The following BEAN1 variants were observed in gnomAD, a reference collection of about 807,000 sequenced individuals.
The protein encoded by BEAN1 is brain expressed associated with NEDD4 1.
In BEAN1, 17 loss-of-function variants were observed where a neutral mutation model predicts 17.7. The ratio of observed to expected loss-of-function variants is 0.96; its 90% confidence interval spans 0.66 to 1.44. BEAN1 has a LOEUF of 1.44. Ranked by LOEUF, BEAN1 falls within the 40% of genes most tolerant of loss-of-function variation. The probability of loss-of-function intolerance (pLI) is 0.00; values close to 1 mark genes in which losing one functional copy is unlikely to be tolerated. For synonymous variants in BEAN1, 142 were observed against 151.8 expected (o/e 0.94, Z 0.47); for missense variants, 359 against 374.1 (o/e 0.96, Z 0.33).
At position 66,437,646 on chromosome 16, in the gene BEAN1, G is replaced by C. The variant is rs1256907592; in HGVS notation, c.-31G>C. On this transcript the variant is annotated 5_prime_UTR_variant, in exon 2 of 5. Transcript: ENST00000536005. ...AAGTCAGAGCTGTGCCCGTGGGCAG[G>C]CTGGCTCCGCTGTTCTGCTCCAAGG... 1.3e-6 allele frequency: 2 copies of C among 1,535,210 alleles called. No homozygotes were observed. Among genetic ancestry groups the C allele is most frequent in the Admixed American group, 3.9e-5 (2 of 50,994 alleles).
intron 2 of BEAN1, among the ~76,000 whole-genome samples, chr16:66,442,117 A>G (rs1567485743): frequency 1.3e-5 from 2 of 152,238 alleles, no homozygotes; most frequent in Admixed American, 6.5e-5. Flanking sequence ...TTTCTCTGCC[A>G]GCAAATACCA....
At chr16:66,431,988 G>C (rs1464730830) in intron 1 of BEAN1, among the ~76,000 whole-genome samples, 6 of 151,908 alleles carry the variant, frequency 3.9e-5, no homozygotes, top group African/African-American at 1.5e-4. Context: ...TGTATGTTTT[G>C]TAGAGACGAG....
At position 66,437,654 on chromosome 16, in the gene BEAN1, C is replaced by T. The variant is rs1030550627; in HGVS notation, c.-23C>T. ...GCTGTGCCCGTGGGCAGGCTGGCTC[C>T]GCTGTTCTGCTCCAAGGATTACATG... On this transcript the variant is annotated 5_prime_UTR_variant, in exon 2 of 5. Transcript: ENST00000536005. 2.8e-5 allele frequency: 43 copies of T among 1,535,684 alleles called. No individual in the cohort carries two copies. The highest frequency in any genetic ancestry group is 1.8e-4 in the Admixed American group (9 of 50,976).
intron 4 of BEAN1, among the ~76,000 whole-genome samples, chr16:66,491,471 T>C (rs1042446950): frequency 2.0e-5 from 3 of 152,176 alleles, no homozygotes; most frequent in African/African-American, 7.2e-5. Context: ...ATCATATCCA[T>C]TGACTTCAGT....
chr16:66,444,000 A>G (rs1242001334), intron 2 of BEAN1, among the ~76,000 whole-genome samples: 4 of 152,182 alleles, frequency 2.6e-5, no homozygotes, highest in African/African-American at 9.7e-5. Context: ...TTCAGTGCAC[A>G]ATCATATCAT....
At position 66,470,375 on chromosome 16, in the gene BEAN1, G is replaced by A. The variant is rs1963439225; in HGVS notation, c.289+510G>A. 2.0e-5 allele frequency among the ~76,000 whole-genome samples: 3 copies of A among 151,986 alleles called. No individual in the cohort carries two copies. In the South Asian group the frequency reaches 6.2e-4, roughly 32 times the overall value. On this transcript the variant is annotated intron_variant, in intron 3 of 4. Coordinates refer to ENST00000536005, the MANE Select transcript of BEAN1 (RefSeq NM_001178020.3). ...ATGGGTGGAGAGATGGATGGGTGGA[G>A]AGTATGAATGGATAAATGGGTAGAT...
downstream of BEAN1, chr16:66,482,905 G>A (rs890901582): frequency 2.2e-5 from 10 of 455,858 alleles, no homozygotes; most frequent in African/African-American, 1.8e-4. Context: ...CGCCTACGCT[G>A]GAGTGCAATG....
chr16:66,474,988 C>T (rs1243987009), intron 3 of BEAN1, among the ~76,000 whole-genome samples: 1 of 152,182 alleles, frequency 6.6e-6, no homozygotes, highest in African/African-American at 2.4e-5. Context: ...ACAGCAGGTG[C>T]TCATGAGTGC....
intron 2 of BEAN1, among the ~76,000 whole-genome samples, chr16:66,442,103 T>C (rs981285157): frequency 6.6e-6 from 1 of 152,130 alleles, no homozygotes; most frequent in Admixed American, 6.5e-5. Flanking sequence ...AAGAGGGAGA[T>C]CAGTTTCTCT....
Position 66,493,116 on chromosome 16 carries a change from T to TC in BEAN1, c.303dup (p.Lys102GlnfsTer10), listed in dbSNP as rs1447429335. 1.4e-6 allele frequency: 1 copy of TC among 702,954 alleles called. No individual in the cohort carries two copies. The highest frequency in any genetic ancestry group is 1.5e-5 in the South Asian group (1 of 67,592). 43.5% of individuals were successfully genotyped at this position (702,954 alleles called of 1,614,324 possible). A position where few individuals can be genotyped will look rare whatever the true frequency, so the allele number is the denominator to read the frequency against. ...AAAGAGAATGTCAAGCAGATGGTGT[T>TC]CAAGATCTTCCTGGTGAGGGTCTCA... On this transcript the variant is annotated frameshift_variant, in exon 5 of 5. Coordinates refer to the BEAN1 transcript ENST00000561796. LOFTEE classifies it low-confidence loss of function (END_TRUNC).
At chr16:66,444,686 T>C (rs1212002253) in intron 2 of BEAN1, among the ~76,000 whole-genome samples, 1 of 152,122 alleles carries the variant, frequency 6.6e-6, no homozygotes, top group Non-Finnish European at 1.5e-5. Flanking sequence ...GCTCACATCA[T>C]TTGTGTACTA....
chr16:66,494,482 AG>A (rs1192208226), downstream of BEAN1, among the ~76,000 whole-genome samples: 1 of 151,928 alleles, frequency 6.6e-6, no homozygotes, highest in Non-Finnish European at 1.5e-5. Flanking sequence ...GACCCAGAGA[AG>A]GGCCCCTCCC....
chr16:66,480,398 C>A (rs1963939867), intron 4 of BEAN1, among the ~76,000 whole-genome samples, 188 bp from the exon 5 acceptor site: 1 of 152,162 alleles, frequency 6.6e-6, no homozygotes, highest in Admixed American at 6.5e-5. Flanking sequence ...AAATCCAGGT[C>A]CCAGGGTTCT....
exon 5 of BEAN1, chr16:66,493,204 T>C: frequency 1.4e-6 from 1 of 703,004 alleles, no homozygotes. Flanking sequence ...AGAAACTCGC[T>C]AGGACCCACA....
At chr16:66,451,027 G>C (rs1962653447) in intron 2 of BEAN1, 1 of 153,176 alleles carries the variant, frequency 6.5e-6, no homozygotes. Flanking sequence ...TTCAAAATTA[G>C]TTTTCCAGTA....
chr16:66,440,669 C>T lies in BEAN1; in HGVS notation c.25+2968C>T, dbSNP rs151064912. 2.0e-4 allele frequency among the ~76,000 whole-genome samples: 31 copies of T among 152,330 alleles called. No homozygotes were observed. In the East Asian group the frequency reaches 5.6e-3, roughly 28 times the overall value. On this transcript the variant is annotated intron_variant, in intron 2 of 4. Coordinates refer to ENST00000536005, the MANE Select transcript of BEAN1 (RefSeq NM_001178020.3). ...ATGCCCCAGACCTTCTCAGCCTCAC[C>T]GCTTTCAGCGGCAGCCTCTAGGCCA... is the stretch of plus-strand genomic sequence containing the variant.
At position 66,473,723 on chromosome 16, in the gene BEAN1, A is replaced by ATAAAT. The variant is rs2142443844; in HGVS notation, c.290-3836_290-3832dup. Among the ~76,000 whole-genome samples, 1 of 152,040 alleles carries ATAAAT rather than the reference A, an allele frequency of 6.6e-6. No homozygotes were observed. Among genetic ancestry groups the ATAAAT allele is most frequent in the East Asian group, 1.9e-4 (1 of 5,174 alleles). ...AAATAAATAAATAAATAAATAAATAATAAATAATAAATAAAGAGGGAGGGG... is the reference window on the plus strand; with the variant it reads ...AAATAAATAAATAAATAAATAAATAATAAATTAAATAATAAATAAAGAGGGAGGGG... On this transcript the variant is annotated intron_variant, in intron 3 of 4. Transcript: ENST00000536005. This position sits in a 1 kb window ranked among gnomAD's most constrained non-coding sequence, Gnocchi z 4.5.
intron 3 of BEAN1, among the ~76,000 whole-genome samples, chr16:66,470,405 G>A (rs1422244788): frequency 3.9e-5 from 6 of 152,028 alleles, no homozygotes; most frequent in African/African-American, 1.5e-4. Context: ...GTAGATGAAA[G>A]GATGGATGAA....
chr16:66,435,110 G>T (rs1218713271), intron 1 of BEAN1, among the ~76,000 whole-genome samples: 3 of 152,030 alleles, frequency 2.0e-5, no homozygotes, highest in African/African-American at 7.2e-5. Context: ...GGAAGGAATG[G>T]CATGCTAGGG....
Sources: allele counts gnomAD v4.1 joint callset (sites outside exome capture counted in the v4.1 genomes callset), GRCh38; gene constraint gnomAD v4.1.1; non-coding constraint Gnocchi (gnomAD v3.1); transcripts MANE v1.5; gene names NCBI Gene and HGNC (gene_info 2026-07-23, HGNC 2026-07-21).